The following SRL variants were observed in gnomAD, a reference collection of about 807,000 sequenced individuals.
SRL encodes sarcalumenin.
SRL carries 23 observed loss-of-function variants against 39.5 expected under a neutral mutation model. That is an observed-to-expected ratio of 0.58 (90% CI 0.42 to 0.82). The LOEUF is 0.82. SRL is among the 40% of genes least tolerant of loss of function. The probability of loss-of-function intolerance (pLI) is 0.00; values close to 1 mark genes in which losing one functional copy is unlikely to be tolerated. For missense variants in SRL, 592 were observed against 607.8 expected (o/e 0.97, Z 0.27); for synonymous variants, 272 against 237.4 (o/e 1.15, Z -1.34).
Position 4,225,599 on chromosome 16 carries a change from T to G in SRL, c.61+16408A>C, listed in dbSNP as rs149927225. Among the ~76,000 whole-genome samples the G allele has an allele frequency of 1.8e-3, 270 of 152,202 alleles. 2 individuals are homozygous for G. Among genetic ancestry groups the G allele is most frequent in the African/African-American group, 6.3e-3 (261 of 41,506 alleles). On this transcript the variant is annotated intron_variant, in intron 1 of 5. Coordinates refer to ENST00000399609, the MANE Select transcript of SRL (RefSeq NM_001098814.2). ...ACCCTGTCTCTAAAGTGGCTGATTC[T>G]TTTCTTTCTCCAAAACCTTAATTAA...
rs533706005 is a variant in SRL at position 4,201,731 on chromosome 16, C to T, written c.259+1435G>A. ...AGTGCAGTGGCACAATCTCAGCTCA[C>T]TGCAACCTCTGCCTCCCGGGTTCAA... On this transcript the variant is annotated intron_variant, in intron 3 of 5. Transcript: ENST00000399609. 5.1e-5 allele frequency among the ~76,000 whole-genome samples: 7 copies of T among 137,860 alleles called. No individual in the cohort carries two copies. In the East Asian group the frequency reaches 1.4e-3, roughly 27 times the overall value. 90.4% of individuals were successfully genotyped at this position (137,860 alleles called of 152,430 possible).
chr16:4,228,521 G>T (rs565159479), intron 1 of SRL, among the ~76,000 whole-genome samples: 1 of 151,976 alleles, frequency 6.6e-6, no homozygotes. Context: ...GGATCACTAG[G>T]TCAGGAGATC....
intron 3 of SRL, among the ~76,000 whole-genome samples, chr16:4,200,791 G>C (rs558438865): frequency 1.3e-4 from 20 of 152,166 alleles, no homozygotes; most frequent in Non-Finnish European, 2.6e-4. Flanking sequence ...TGTGATCCTG[G>C]GTAACCCAGC....
intron 1 of SRL, among the ~76,000 whole-genome samples, chr16:4,237,692 T>C (rs2052727396): frequency 6.6e-6 from 1 of 152,110 alleles, no homozygotes; most frequent in Non-Finnish European, 1.5e-5. Flanking sequence ...TCCCCTTCCC[T>C]GGGTCTCACC....
At chr16:4,200,667 G>C (rs1318238311) in intron 3 of SRL, among the ~76,000 whole-genome samples, 1 of 152,222 alleles carries the variant, frequency 6.6e-6, no homozygotes, top group South Asian at 2.1e-4. Flanking sequence ...GGGAGGCTCT[G>C]CAAGCTCATA....
chr16:4,220,107 C>G (rs1161475560), intron 1 of SRL, among the ~76,000 whole-genome samples: 2 of 152,098 alleles, frequency 1.3e-5, no homozygotes, highest in Non-Finnish European at 2.9e-5. Flanking sequence ...CTCCAGAGTA[C>G]AGGTGTCCAG....
At chr16:4,223,552 ATT>A (rs796106556) in intron 1 of SRL, among the ~76,000 whole-genome samples, 1 of 143,646 alleles carries the variant, frequency 7.0e-6, no homozygotes. Context: ...AGGTTTTTAA[ATT>A]TTTTTTTTTT....
chr16:4,213,774 G>A (rs991458440), intron 1 of SRL, among the ~76,000 whole-genome samples: 2 of 152,154 alleles, frequency 1.3e-5, no homozygotes, highest in Non-Finnish European at 2.9e-5. Flanking sequence ...CCCTCACGTA[G>A]GACTCCATCT....
chr16:4,193,956 CTAA>C (rs1406296161), intron 5 of SRL, among the ~76,000 whole-genome samples: 10 of 150,252 alleles, frequency 6.7e-5, no homozygotes, highest in African/African-American at 2.2e-4. Flanking sequence ...AATATTATTA[CTAA>C]TATTACTACT....
intron 1 of SRL, among the ~76,000 whole-genome samples, chr16:4,219,822 C>G (rs994626571): frequency 1.3e-5 from 2 of 151,938 alleles, no homozygotes; most frequent in Non-Finnish European, 2.9e-5. Context: ...AGCATTAAGT[C>G]TGTGGTATTC....
rs893662302 is a variant in SRL at position 4,204,746 on chromosome 16, T to G, written c.62-112A>C. ...CTCAAGCAGGGGCTCAACAGGGTCT[T>G]GCCAAGTTACACTGGACTGAGCTCT... On this transcript the variant is annotated intron_variant, in intron 1 of 5. Coordinates refer to ENST00000399609, the MANE Select transcript of SRL (RefSeq NM_001098814.2). 2.7e-5 allele frequency: 23 copies of G among 847,612 alleles called. No individual in the cohort carries two copies. In the African/African-American group the frequency reaches 3.5e-4, roughly 13 times the overall value. 52.5% of individuals were successfully genotyped at this position (847,612 alleles called of 1,614,324 possible). A position where few individuals can be genotyped will look rare whatever the true frequency, so the allele number is the denominator to read the frequency against.
chr16:4,201,571 C>T lies in SRL; in HGVS notation c.259+1595G>A, dbSNP rs2052231333. On this transcript the variant is annotated intron_variant, in intron 3 of 5. Transcript: ENST00000399609. ...GGACTATAGGTGTGAGCCACTGTGCCCGGCCATCGGATTGTTTTTAAAAGT... is the reference window on the plus strand; with the variant it reads ...GGACTATAGGTGTGAGCCACTGTGCTCGGCCATCGGATTGTTTTTAAAAGT... 1.5e-5 allele frequency among the ~76,000 whole-genome samples: 2 copies of T among 137,680 alleles called. 1 individual carries two copies. The highest frequency in any genetic ancestry group is 3.1e-5 in the Non-Finnish European group (2 of 64,624). The allele number at this position is 137,680 out of a possible 152,430, so 90.3% of individuals were successfully genotyped here. A position where few individuals can be genotyped will look rare whatever the true frequency, so the allele number is the denominator to read the frequency against.
intron 4 of SRL, 55 bp from the exon 5 acceptor site, chr16:4,195,841 A>T: frequency 6.9e-7 from 1 of 1,459,212 alleles, no homozygotes; most frequent in Non-Finnish European, 9.4e-7. Flanking sequence ...AAACAGATCT[A>T]CTGAGAAGCA....
At chr16:4,202,063 T>C (rs2052241566) in intron 3 of SRL, among the ~76,000 whole-genome samples, 1 of 152,114 alleles carries the variant, frequency 6.6e-6, no homozygotes. Context: ...AGTACTGAGA[T>C]TACAGGCGTG....
intron 4 of SRL, among the ~76,000 whole-genome samples, chr16:4,197,107 C>T (rs1230635392): frequency 4.4e-5 from 5 of 114,000 alleles, no homozygotes; most frequent in East Asian, 2.8e-4. Flanking sequence ...CTCACTCTGT[C>T]GCCCAGGCTG....
chr16:4,225,778 T>C (rs1302060907), intron 1 of SRL, among the ~76,000 whole-genome samples: 1 of 151,894 alleles, frequency 6.6e-6, no homozygotes, highest in Non-Finnish European at 1.5e-5. Context: ...CCCTGTGTGT[T>C]TCCCACACAG....
intron 1 of SRL, among the ~76,000 whole-genome samples, chr16:4,206,284 T>C (rs755218698): frequency 2.0e-5 from 3 of 152,178 alleles, no homozygotes; most frequent in Non-Finnish European, 4.4e-5. Flanking sequence ...GGTTCTGCAA[T>C]GCTTCCTACA....
chr16:4,223,231 C>G (rs75004425), intron 1 of SRL, among the ~76,000 whole-genome samples: 1 of 96,164 alleles, frequency 1.0e-5, no homozygotes, highest in Non-Finnish European at 2.2e-5. Context: ...AACTCTGTCT[C>G]AAAAAAAAAA....
Position 4,192,383 on chromosome 16 carries a change from G to A in SRL, c.1192C>T (p.Arg398Cys), listed in dbSNP as rs374884498. The change falls in exon 6 of 6, where the codon CGC (arginine) becomes TGC (cysteine). Residue 398 changes from arginine to cysteine, a missense_variant. Arg to Cys is a radical substitution (Grantham distance 180, BLOSUM62 -3). Coordinates refer to ENST00000399609, the MANE Select transcript of SRL (RefSeq NM_001098814.2). The surrounding 1 kb of genome is among the most constrained non-coding windows in gnomAD (Gnocchi z 4.0). ...CCGAAGAAGTCCTTATAGGCCTCGC[G>A]GTTGGGAAGGTCAAATTTGCTGACA... ...TNVSKFDLPN[R>C]EAYKDFFGIN... 5.5e-5 allele frequency: 89 copies of A among 1,614,042 alleles called. No individual in the cohort carries two copies. Among genetic ancestry groups the A allele is most frequent in the South Asian group, 8.8e-5 (8 of 91,084 alleles).
Sources: gnomAD v4.1 joint callset for allele counts (sites outside exome capture counted in the v4.1 genomes callset) on GRCh38, gnomAD v4.1.1 for gene constraint, Gnocchi (gnomAD v3.1) non-coding constraint, MANE v1.5 for transcripts, NCBI Gene and HGNC (gene_info 2026-07-23, HGNC 2026-07-21) for gene names.